Variants in CCDC7 observed in about 807,000 individuals in gnomAD.
CCDC7 encodes coiled-coil domain containing 7.
In CCDC7, 183 loss-of-function variants were observed where a neutral mutation model predicts 196.9. The observed-to-expected ratio is 0.93, with a 90% CI of 0.82 to 1.05. The LOEUF (loss-of-function observed/expected upper bound fraction) is 1.05, where lower values mean the gene tolerates loss of function less well. Ranked by LOEUF, CCDC7 falls within the 50% of genes least tolerant of loss-of-function variation. CCDC7 has a pLI of 0.00. For missense variants in CCDC7, 1,540 were observed against 1,482.2 expected (o/e 1.04, Z -0.64); for synonymous variants, 525 against 484.6 (o/e 1.08, Z -1.10).
chr10:32,831,331 A>G (rs1224375162), intron 32 of CCDC7, among the ~76,000 whole-genome samples: 1 of 152,212 alleles, frequency 6.6e-6, no homozygotes, highest in Non-Finnish European at 1.5e-5. Context: ...GCAGTGAGTG[A>G]ATGCAAAGGT....
chr10:32,842,103 A>G lies in CCDC7; in HGVS notation c.3353-3140A>G, dbSNP rs539848329. ...ACAAAAACAAAGATAAATAGATGGG[A>G]CTTAATTAAATTAAAAAGCTTCTGC... On this transcript the variant is annotated intron_variant, in intron 33 of 41. Transcript: ENST00000639629. Among the ~76,000 whole-genome samples, 58 of 152,242 alleles carry G rather than the reference A, an allele frequency of 3.8e-4. No individual in the cohort carries two copies. In the South Asian group the frequency reaches 0.012, roughly 31 times the overall value.
intron 21 of CCDC7, among the ~76,000 whole-genome samples, chr10:32,669,101 A>G (rs1406880584): frequency 6.6e-6 from 1 of 151,936 alleles, no homozygotes; most frequent in Non-Finnish European, 1.5e-5. Flanking sequence ...TAAAATTTTT[A>G]TTTTGAAATG....
At chr10:32,455,235 A>G (rs2034051513) in intron 2 of CCDC7, among the ~76,000 whole-genome samples, 2 of 151,596 alleles carry the variant, frequency 1.3e-5, no homozygotes, top group Non-Finnish European at 2.9e-5. Context: ...CTCCTATATG[A>G]TTATAGGTCT....
intron 28 of CCDC7, among the ~76,000 whole-genome samples, chr10:32,767,443 T>G (rs1406617822): frequency 6.6e-6 from 1 of 152,166 alleles, no homozygotes; most frequent in East Asian, 1.9e-4. Context: ...TGGCTTCTTT[T>G]AGAAGCAATT....
intron 13 of CCDC7, among the ~76,000 whole-genome samples, chr10:32,546,461 T>G (rs1589734479): frequency 6.6e-6 from 1 of 152,216 alleles, no homozygotes; most frequent in South Asian, 2.1e-4. Context: ...TAGAGACAGC[T>G]AGATGTTAAT....
intron 18 of CCDC7, among the ~76,000 whole-genome samples, chr10:32,596,945 G>A (rs1428418549): frequency 1.3e-5 from 2 of 152,106 alleles, no homozygotes; most frequent in Non-Finnish European, 2.9e-5. Flanking sequence ...CTTTCTGGCT[G>A]CCCTTAACAT....
At chr10:32,466,215 G>C (rs2036736126) in intron 5 of CCDC7, among the ~76,000 whole-genome samples, 1 of 147,838 alleles carries the variant, frequency 6.8e-6, no homozygotes, top group South Asian at 2.1e-4. Flanking sequence ...ATGATCTAAA[G>C]GTTTGTATTA....
rs144903405 is a variant in CCDC7, at chr10:32,746,566, C to T, written c.2905+17109C>T. 4.9e-4 allele frequency among the ~76,000 whole-genome samples: 74 copies of T among 152,264 alleles called. No individual in the cohort carries two copies. The Middle Eastern group carries it at 0.02, about 42-fold the overall frequency. ...CTGGACAAAGCAGAGCTGTCAGTGACATCGGGCCAATCTTATCTGCACACC... is the reference window on the plus strand; with the variant it reads ...CTGGACAAAGCAGAGCTGTCAGTGATATCGGGCCAATCTTATCTGCACACC... On this transcript the variant is annotated intron_variant, in intron 28 of 41. Transcript: ENST00000639629.
Position 32,544,368 on chromosome 10 carries a change from G to A in CCDC7, c.1134+67G>A. The A allele has an allele frequency of 4.0e-6, 6 of 1,483,884 alleles. No homozygotes were observed. The South Asian group carries it at 6.4e-5, about 16-fold the overall frequency. 91.9% of individuals were successfully genotyped at this position (1,483,884 alleles called of 1,614,324 possible). ...ACTTGCTCTGATAGTCATATATAGA[G>A]AAACATTATTACGTATGTGATTATA... On this transcript the variant is annotated intron_variant, in intron 13 of 41. Transcript: ENST00000639629.
intron 28 of CCDC7, among the ~76,000 whole-genome samples, chr10:32,735,485 T>C (rs2084710750): frequency 6.6e-6 from 1 of 152,210 alleles, no homozygotes; most frequent in African/African-American, 2.4e-5. Context: ...ATGTTGAACA[T>C]CTTTTTATGT....
chr10:32,790,080 C>T (rs1190454426), intron 29 of CCDC7, among the ~76,000 whole-genome samples: 1 of 152,218 alleles, frequency 6.6e-6, no homozygotes, highest in East Asian at 1.9e-4. Context: ...AGACAGCAAC[C>T]CTCATGGGTT....
intron 18 of CCDC7, among the ~76,000 whole-genome samples, chr10:32,615,399 GT>G (rs1410619807): frequency 6.6e-6 from 1 of 152,066 alleles, no homozygotes; most frequent in Non-Finnish European, 1.5e-5. Flanking sequence ...ATCTCATTGT[GT>G]TTTTTATTTG....
chr10:32,626,250 T>C (rs956172231), intron 18 of CCDC7, among the ~76,000 whole-genome samples: 3 of 152,104 alleles, frequency 2.0e-5, no homozygotes, highest in South Asian at 4.1e-4. Flanking sequence ...TTTTTGATAA[T>C]AGACATTCTG....
intron 14 of CCDC7, among the ~76,000 whole-genome samples, chr10:32,567,278 A>G (rs566723840): frequency 1.4e-4 from 21 of 151,638 alleles, no homozygotes; most frequent in Non-Finnish European, 3.1e-4. Flanking sequence ...ATTCCAGAAG[A>G]AATAAATTGT....
At chr10:32,469,994 GCTT>G (rs2037617618) in intron 5 of CCDC7, among the ~76,000 whole-genome samples, 1 of 152,094 alleles carries the variant, frequency 6.6e-6, no homozygotes, top group African/African-American at 2.4e-5. Context: ...ATGATTTGCG[GCTT>G]CTTATTTGGA....
intron 29 of CCDC7, among the ~76,000 whole-genome samples, chr10:32,781,798 TC>T (rs1458709358): frequency 1.9e-4 from 29 of 152,298 alleles, no homozygotes; most frequent in African/African-American, 6.7e-4. Flanking sequence ...TCAAAATCTA[TC>T]TGGACCAGTT....
At chr10:32,736,280 T>C (rs1287450302) in intron 28 of CCDC7, among the ~76,000 whole-genome samples, 1 of 152,018 alleles carries the variant, frequency 6.6e-6, no homozygotes, top group Non-Finnish European at 1.5e-5. Flanking sequence ...TGAGACTTCC[T>C]ATTCTTTAAC....
Position 32,711,761 on chromosome 10 carries a change from T to G in CCDC7, c.2569+31T>G, listed in dbSNP as rs760311181. On this transcript the variant is annotated intron_variant, in intron 25 of 41. Coordinates refer to ENST00000639629, the Ensembl canonical transcript of CCDC7. ...TATAATGATGATAGCTATTTTATAT[T>G]ATTTTAAGTAAATCTCAAAAGAACT... 4 of 1,294,768 alleles carry G rather than the reference T, an allele frequency of 3.1e-6. No individual in the cohort carries two copies. The East Asian group carries it at 8.0e-5, about 26-fold the overall frequency. 80.2% of individuals were successfully genotyped at this position (1,294,768 alleles called of 1,614,324 possible).
At chr10:32,645,535 G>A (rs1482333757) in intron 20 of CCDC7, among the ~76,000 whole-genome samples, 1 of 118,068 alleles carries the variant, frequency 8.5e-6, no homozygotes, top group African/African-American at 3.2e-5. Flanking sequence ...TTTAATCAGA[G>A]TAATGCTGGC....
Sources: allele counts gnomAD v4.1 joint callset (sites outside exome capture counted in the v4.1 genomes callset), GRCh38; gene constraint gnomAD v4.1.1; transcripts MANE v1.5; gene names NCBI Gene and HGNC (gene_info 2026-07-23, HGNC 2026-07-21).